Variants in PCNX2 observed in about 807,000 individuals in gnomAD.
PCNX2 encodes pecanex 2, also known as pecanex-like protein 2.
In PCNX2, 168 loss-of-function variants were observed where a neutral mutation model predicts 223.8. The observed-to-expected ratio is 0.75, with a 90% confidence interval of 0.66 to 0.85. PCNX2 has a LOEUF of 0.85. PCNX2 is among the 40% of genes least tolerant of loss of function. The pLI, the probability that PCNX2 is intolerant of heterozygous loss-of-function variation, is 0.00. For synonymous variants in PCNX2, 1,006 were observed against 1,052.6 expected (o/e 0.96, Z 0.86); for missense variants, 2,507 against 2,675.5 (o/e 0.94, Z 1.39).
At chr1:233,224,390 C>A (rs1657572597) in intron 10 of PCNX2, among the ~76,000 whole-genome samples, 1 of 152,274 alleles carries the variant, frequency 6.6e-6, no homozygotes, top group African/African-American at 2.4e-5. Flanking sequence ...TGCCCAAAGA[C>A]TAAGAAAACA....
intron 20 of PCNX2, among the ~76,000 whole-genome samples, chr1:233,136,329 G>C (rs1038024719): frequency 3.3e-5 from 5 of 152,130 alleles, no homozygotes; most frequent in Non-Finnish European, 5.9e-5. Context: ...CTTGGACTCA[G>C]GAACCTTATC....
chr1:233,258,750 T>C lies in PCNX2; in HGVS notation c.1112A>G (p.His371Arg), dbSNP rs781656903. 2.7e-5 allele frequency: 43 copies of C among 1,613,810 alleles called. No homozygotes were observed. The highest frequency in any genetic ancestry group is 6.7e-5 in the African/African-American group (5 of 74,912). The change falls in exon 5 of 34, where the codon CAT becomes CGT. Residue 371 changes from histidine (H) to arginine (R), a missense_variant. By Grantham distance (29) the His-to-Arg change is conservative. Transcript: ENST00000258229. ...CGTGATAACAATTTTTATGGGCTCA[T>C]GTAGACTCAGTGGGTCTCCGGGTTG... ...TSQPGDPLSL[H>R]EPIKIVITMS...
chr1:233,025,375 A>C lies in PCNX2; in HGVS notation c.4376T>G (p.Val1459Gly). ...CTCGTCGCCCTCCATGATGGCTTCT[A>C]CCTCCCTCTGCTGGCAGTAGGTTCC... ...FRGTYCQQRE[V>G]EAIMEGDEED... Residue 1459 changes from valine (V) to glycine (G), a missense_variant, in exon 26 of 34, where the codon GTA (valine) becomes GGA (glycine). By Grantham distance (109) the Val-to-Gly change is moderately radical. Coordinates refer to ENST00000258229, the MANE Select transcript of PCNX2 (RefSeq NM_014801.4). The C allele has an allele frequency of 6.2e-7, 1 of 1,613,816 alleles. No individual in the cohort carries two copies. Among genetic ancestry groups the C allele is most frequent in the South Asian group, 1.1e-5 (1 of 91,078 alleles).
At position 233,054,253 on chromosome 1, in the gene PCNX2, T is replaced by TGAA. The variant is rs1270687154; in HGVS notation, c.4351+12_4351+14dup. The TGAA allele has an allele frequency of 6.2e-7, 1 of 1,608,062 alleles. No individual in the cohort carries two copies. The highest frequency in any genetic ancestry group is 8.5e-7 in the Non-Finnish European group (1 of 1,175,714). ...AACCAACTTTCAACAGTTTCTACAATGAAGAAATTCTTACCTCGGAATTCC... is the reference window on the plus strand; with the variant it reads ...AACCAACTTTCAACAGTTTCTACAATGAAGAAGAAATTCTTACCTCGGAATTCC... On this transcript the variant is annotated intron_variant, in intron 25 of 33. Coordinates refer to ENST00000258229, the MANE Select transcript of PCNX2 (RefSeq NM_014801.4).
At chr1:233,303,830 T>A in the PCNX2 span, among the ~76,000 whole-genome samples, 1 of 152,192 alleles carries the variant, frequency 6.6e-6, no homozygotes, top group Admixed American at 6.5e-5. Flanking sequence ...TGGTTATATA[T>A]TTTTGTATCA....
intron 17 of PCNX2, among the ~76,000 whole-genome samples, chr1:233,169,909 G>C (rs1306405809): frequency 2.6e-5 from 4 of 150,970 alleles, no homozygotes; most frequent in African/African-American, 7.3e-5. Flanking sequence ...TTACGACTTA[G>C]GTATGCAACT....
Position 232,986,533 on chromosome 1 carries a change from C to T in PCNX2, c.5799G>A (p.Arg1933=). Residue 1933 remains arginine (R), a synonymous_variant, in exon 33 of 34, where the codon AGG becomes AGA. Transcript: ENST00000258229. ...CCTGCACGGACTGGCTCCTGCCTTTCCTCCTGCCTTTAAAAGAAAGCAGAA... is the reference window on the plus strand; with the variant it reads ...CCTGCACGGACTGGCTCCTGCCTTTTCTCCTGCCTTTAAAAGAAAGCAGAA... ...SCEGTQRTGR[R]KGRSQSVQAH... 6.6e-7 allele frequency: 1 copy of T among 1,523,470 alleles called. No individual in the cohort carries two copies. The highest frequency in any genetic ancestry group is 8.8e-7 in the Non-Finnish European group (1 of 1,135,996). The allele number at this position is 1,523,470 out of a possible 1,614,324, so 94.4% of individuals were successfully genotyped here.
At chr1:233,186,587 G>GGCTC (rs1166630584) in intron 15 of PCNX2, among the ~76,000 whole-genome samples, 1 of 152,128 alleles carries the variant, frequency 6.6e-6, no homozygotes, top group Non-Finnish European at 1.5e-5. Flanking sequence ...CCCCAGAAGG[G>GGCTC]GCTCCCCCAG....
intron 15 of PCNX2, among the ~76,000 whole-genome samples, chr1:233,193,666 T>C (rs1416302767): frequency 6.6e-6 from 1 of 152,184 alleles, no homozygotes; most frequent in Non-Finnish European, 1.5e-5. Flanking sequence ...TGACTATGAT[T>C]AATATGTTGA....
intron 9 of PCNX2, among the ~76,000 whole-genome samples, chr1:233,233,263 C>T (rs1215561673): frequency 6.6e-6 from 1 of 152,100 alleles, no homozygotes; most frequent in Non-Finnish European, 1.5e-5. Context: ...TGGATTCATG[C>T]AACATTTTTA....
rs1001230214 is a variant in PCNX2, at chr1:232,991,669, A to C, written c.5792-5129T>G. Among the ~76,000 whole-genome samples the C allele has an allele frequency of 1.8e-4, 27 of 152,102 alleles. No homozygotes were observed. Among genetic ancestry groups the C allele is most frequent in the African/African-American group, 6.3e-4 (26 of 41,418 alleles). On this transcript the variant is annotated intron_variant, in intron 32 of 33. Coordinates refer to ENST00000258229, the MANE Select transcript of PCNX2 (RefSeq NM_014801.4). This position sits in a 1 kb window ranked among gnomAD's most constrained non-coding sequence, Gnocchi z 4.3. ...CGTGTGGACACAGAGAAGTACAGGG[A>C]GAACATGATGTGAAGACCAAGCCAG...
chr1:233,147,596 T>G (rs7536780), intron 19 of PCNX2, among the ~76,000 whole-genome samples: 2 of 151,850 alleles, frequency 1.3e-5, no homozygotes, highest in Non-Finnish European at 2.9e-5. Context: ...AAAAAAAAAT[T>G]TATGTGTAAG....
intron 23 of PCNX2, among the ~76,000 whole-genome samples, chr1:233,088,252 T>C (rs1261071360): frequency 1.3e-5 from 2 of 152,200 alleles, no homozygotes; most frequent in African/African-American, 4.8e-5. Context: ...TTTACTTCTA[T>C]TGAATCTTCC....
At chr1:233,311,212 C>G in the PCNX2 span, among the ~76,000 whole-genome samples, 12 of 152,142 alleles carry the variant, frequency 7.9e-5, no homozygotes, top group African/African-American at 2.9e-4. Context: ...CATAACTAAC[C>G]CAGAAGCTAT....
the PCNX2 span, among the ~76,000 whole-genome samples, chr1:233,314,042 G>A: frequency 1.3e-5 from 2 of 152,150 alleles, no homozygotes; most frequent in African/African-American, 2.4e-5. Flanking sequence ...TTGTGCAAAT[G>A]GCAAATTATG....
chr1:233,045,751 G>C (rs1182486386), intron 25 of PCNX2, among the ~76,000 whole-genome samples: 2 of 152,190 alleles, frequency 1.3e-5, no homozygotes, highest in African/African-American at 4.8e-5. Flanking sequence ...TTCTGGAAGG[G>C]AGGTGTTCAT....
intron 12 of PCNX2, among the ~76,000 whole-genome samples, chr1:233,213,987 C>T (rs1313283276): frequency 6.6e-6 from 1 of 151,772 alleles, no homozygotes; most frequent in East Asian, 1.9e-4. Flanking sequence ...TGCCACCGTG[C>T]CCAGCTAATT....
chr1:233,037,980 G>T (rs1419903567), intron 25 of PCNX2, among the ~76,000 whole-genome samples: 1 of 152,156 alleles, frequency 6.6e-6, no homozygotes, highest in African/African-American at 2.4e-5. Flanking sequence ...CTCATTTGAT[G>T]TACACATCAA....
Position 233,258,846 on chromosome 1 carries a change from C to T in PCNX2, c.1016G>A (p.Gly339Glu). ...CACTTCCTGGTGCAAGGGCAGGTCC[C>T]CCTGGCAGGAGGTATCTACCTGACA... is the stretch of plus-strand genomic sequence containing the variant. Reference protein sequence around the residue: ...TSCQVDTSCQGDLPLHQEVDS... With the variant: ...TSCQVDTSCQEDLPLHQEVDS... Residue 339 changes from glycine to glutamate, a missense_variant, in exon 5 of 34, where the codon GGG (glycine) becomes GAG (glutamate). By Grantham distance (98) the Gly-to-Glu change is moderately conservative. Transcript: ENST00000258229. 2 of 1,613,924 alleles carry T rather than the reference C, an allele frequency of 1.2e-6. No homozygotes were observed. The highest frequency in any genetic ancestry group is 2.2e-5 in the South Asian group (2 of 91,080).
Sources: gnomAD v4.1 joint callset for allele counts (sites outside exome capture counted in the v4.1 genomes callset) on GRCh38, gnomAD v4.1.1 for gene constraint, Gnocchi (gnomAD v3.1) non-coding constraint, MANE v1.5 for transcripts, NCBI Gene and HGNC (gene_info 2026-07-23, HGNC 2026-07-21) for gene names.